CTNNA3: variants seen among roughly 807,000 people sequenced by gnomAD.
CTNNA3 encodes the protein catenin alpha 3, also known as catenin alpha-3.
In CTNNA3, 76 loss-of-function variants were observed where a neutral mutation model predicts 95.7. The observed-to-expected ratio is 0.79, with a 90% confidence interval of 0.66 to 0.96. The LOEUF (loss-of-function observed/expected upper bound fraction) is 0.96, where lower values mean the gene tolerates loss of function less well. Ranked by LOEUF, CTNNA3 falls within the 40% of genes least tolerant of loss-of-function variation. The pLI is 0.00. For synonymous variants in CTNNA3, 431 were observed against 374.4 expected, an observed-to-expected ratio of 1.15 and a Z score of -1.74; for missense variants, 1,191 against 1,089.8, an observed-to-expected ratio of 1.09 and a Z score of -1.31.
At chr10:66,988,957 C>T (rs560230558) in intron 7 of CTNNA3, among the ~76,000 whole-genome samples, 4 of 151,984 alleles carry the variant, frequency 2.6e-5, no homozygotes, top group East Asian at 3.9e-4. Flanking sequence ...CTTACACATC[C>T]GGGTGCTTCC....
chr10:67,190,651 C>A (rs886786167), intron 6 of CTNNA3, among the ~76,000 whole-genome samples: 1 of 150,138 alleles, frequency 6.7e-6, no homozygotes, highest in Non-Finnish European at 1.5e-5. Flanking sequence ...AAAATGCTTT[C>A]TTTGTTTACC....
intron 5 of CTNNA3, among the ~76,000 whole-genome samples, chr10:67,388,774 G>T (rs1206172114): frequency 6.6e-6 from 1 of 152,038 alleles, no homozygotes; most frequent in Non-Finnish European, 1.5e-5. Context: ...TTAAAGAAAA[G>T]AATTTTCAAC....
chr10:66,253,501 G>A (rs988093989), intron 13 of CTNNA3, among the ~76,000 whole-genome samples: 4 of 152,032 alleles, frequency 2.6e-5, no homozygotes, highest in African/African-American at 4.8e-5. Context: ...AAACTTAGAT[G>A]GAAGTTAAAC....
intron 5 of CTNNA3, among the ~76,000 whole-genome samples, chr10:67,308,257 A>AT (rs1382937662): frequency 1.3e-5 from 2 of 152,216 alleles, no homozygotes; most frequent in Non-Finnish European, 2.9e-5. Flanking sequence ...TGTAGCTCCC[A>AT]TAATACCCAT....
chr10:66,510,020 C>T (rs1182943464), intron 11 of CTNNA3, among the ~76,000 whole-genome samples: 1 of 151,922 alleles, frequency 6.6e-6, no homozygotes, highest in Non-Finnish European at 1.5e-5. Flanking sequence ...TTAATTCTTT[C>T]AGTCCAGGAG....
intron 11 of CTNNA3, among the ~76,000 whole-genome samples, chr10:66,454,851 A>C (rs2093485990): frequency 6.7e-6 from 1 of 149,030 alleles, no homozygotes; most frequent in South Asian, 2.2e-4. Context: ...GAAAGGGGGA[A>C]AAGGCGGAGG....
chr10:66,052,329 A>G (rs2079975762), intron 15 of CTNNA3, among the ~76,000 whole-genome samples: 2 of 152,168 alleles, frequency 1.3e-5, no homozygotes, highest in Admixed American at 1.3e-4. Context: ...CTTATCCATA[A>G]TTAGGAAATG....
At chr10:67,683,448 A>T (rs1004258937) in intron 1 of CTNNA3, among the ~76,000 whole-genome samples, 1 of 152,268 alleles carries the variant, frequency 6.6e-6, no homozygotes, top group African/African-American at 2.4e-5. Flanking sequence ...ACATTAGAGT[A>T]GACCCAGTGT....
intron 7 of CTNNA3, among the ~76,000 whole-genome samples, chr10:66,970,504 G>T (rs1849660354): frequency 1.1e-5 from 1 of 92,944 alleles, no homozygotes; most frequent in East Asian, 2.0e-4. Context: ...TTCTTGGGTG[G>T]GGGGGGGATA....
chr10:67,095,989 T>G (rs1857967350), intron 7 of CTNNA3, among the ~76,000 whole-genome samples: 2 of 151,892 alleles, frequency 1.3e-5, no homozygotes, highest in South Asian at 4.1e-4. Flanking sequence ...TTCAGTCGCC[T>G]TGACCATTTT....
intron 15 of CTNNA3, among the ~76,000 whole-genome samples, chr10:65,990,752 C>A (rs866639126): frequency 4.0e-5 from 6 of 151,680 alleles, no homozygotes; most frequent in Non-Finnish European, 7.4e-5. Context: ...TTTTGATGTG[C>A]AGAAGCTTTT....
intron 7 of CTNNA3, 79 bp downstream of exon 7, chr10:67,180,238 T>A (rs948939360): frequency 5.9e-6 from 7 of 1,180,450 alleles, no homozygotes; most frequent in Non-Finnish European, 7.5e-6. Flanking sequence ...CCCTATTTTG[T>A]ATACGGAAAG....
At chr10:66,795,475 A>C (rs1841150284) in intron 7 of CTNNA3, among the ~76,000 whole-genome samples, 1 of 152,100 alleles carries the variant, frequency 6.6e-6, no homozygotes, top group South Asian at 2.1e-4. Context: ...ACATAAACAC[A>C]TTTGCTGTCA....
At chr10:66,908,219 G>A (rs1846073333) in intron 7 of CTNNA3, among the ~76,000 whole-genome samples, 1 of 152,170 alleles carries the variant, frequency 6.6e-6, no homozygotes. Context: ...ATCTTGTTAT[G>A]AGATGAAAAC....
intron 5 of CTNNA3, among the ~76,000 whole-genome samples, chr10:67,421,652 C>T (rs1378813803): frequency 6.6e-6 from 1 of 152,116 alleles, no homozygotes; most frequent in East Asian, 1.9e-4. Context: ...ATAATGATTT[C>T]TTCTTAGATT....
At chr10:66,534,845 G>T (rs1841596992) in intron 10 of CTNNA3, among the ~76,000 whole-genome samples, 1 of 151,538 alleles carries the variant, frequency 6.6e-6, no homozygotes, top group African/African-American at 2.4e-5. Flanking sequence ...AAGTTATGAA[G>T]TATTAAAGTT....
At chr10:66,433,527 T>C (rs555100673) in intron 11 of CTNNA3, among the ~76,000 whole-genome samples, 7 of 152,340 alleles carry the variant, frequency 4.6e-5, no homozygotes, top group Middle Eastern at 3.4e-3. Context: ...AAGTTCTTTA[T>C]AGATTCTGGA....
chr10:67,676,563 G>A (rs1285553746), intron 1 of CTNNA3, among the ~76,000 whole-genome samples: 1 of 152,130 alleles, frequency 6.6e-6, no homozygotes, highest in African/African-American at 2.4e-5. Context: ...AACTCTGGGG[G>A]CATCTTCATT....
intron 5 of CTNNA3, among the ~76,000 whole-genome samples, chr10:67,453,251 T>C (rs906105307): frequency 6.6e-6 from 1 of 152,140 alleles, no homozygotes; most frequent in Non-Finnish European, 1.5e-5. Flanking sequence ...ACAATAGATA[T>C]ACAAAGACAT....
Sources: gnomAD v4.1 joint callset for allele counts (sites outside exome capture counted in the v4.1 genomes callset) on GRCh38, gnomAD v4.1.1 for gene constraint, MANE v1.5 for transcripts, NCBI Gene and HGNC (gene_info 2026-07-23, HGNC 2026-07-21) for gene names.